The following CNTNAP5 variants were observed in gnomAD, a reference collection of about 807,000 sequenced individuals.
The protein encoded by CNTNAP5 is contactin-associated protein-like 5.
Under a neutral mutation model 150.2 loss-of-function variants are expected in CNTNAP5, and 72 were observed. The observed-to-expected ratio is 0.48, with a 90% CI of 0.40 to 0.58. CNTNAP5 has a LOEUF of 0.58. Ranked by LOEUF, CNTNAP5 falls within the 20% of genes least tolerant of loss-of-function variation. The pLI, the probability that CNTNAP5 is intolerant of heterozygous loss-of-function variation, is 0.00. For missense variants in CNTNAP5, 1,636 were observed against 1,626.2 expected, an observed-to-expected ratio of 1.01 and a Z score of -0.10; for synonymous variants, 672 against 619.8, an observed-to-expected ratio of 1.08 and a Z score of -1.25.
chr2:124,241,641 G>A (rs567463192), intron 2 of CNTNAP5, among the ~76,000 whole-genome samples: 15 of 152,182 alleles, frequency 9.9e-5, no homozygotes, highest in Admixed American at 3.3e-4. Flanking sequence ...AACATCTGCC[G>A]AATAAATGAA....
In CNTNAP5 at chr2:124,124,230, G is replaced by A. The variant is rs547345470; in HGVS notation, c.83-97475G>A. Among the ~76,000 whole-genome samples, 11 of 152,252 alleles carry A rather than the reference G, an allele frequency of 7.2e-5. No individual in the cohort carries two copies. In the South Asian group the frequency reaches 2.1e-3, roughly 29 times the overall value. ...AGAAGACCTTAAATGACCTGATGGA[G>A]CTGAAAATCATGGCACGAGAACTAT... On this transcript the variant is annotated intron_variant, in intron 1 of 23. Coordinates refer to ENST00000682447, the MANE Select transcript of CNTNAP5 (RefSeq NM_001367498.1).
chr2:124,751,618 G>A (rs1358616333), intron 14 of CNTNAP5, among the ~76,000 whole-genome samples: 1 of 152,142 alleles, frequency 6.6e-6, no homozygotes, highest in Non-Finnish European at 1.5e-5. Context: ...CTTTCCACAC[G>A]TTTCAAATTT....
intron 1 of CNTNAP5, among the ~76,000 whole-genome samples, chr2:124,211,665 C>A (rs1165924276): frequency 6.6e-6 from 1 of 152,144 alleles, no homozygotes; most frequent in African/African-American, 2.4e-5. Context: ...CACGTTTAAC[C>A]CATCCACTTC....
chr2:124,268,975 C>T (rs1184944006), intron 3 of CNTNAP5, among the ~76,000 whole-genome samples: 1 of 152,062 alleles, frequency 6.6e-6, no homozygotes, highest in African/African-American at 2.4e-5. Flanking sequence ...CCCCTAAGTG[C>T]TCGTGGCATG....
At chr2:124,871,043 T>C (rs1478990571) in intron 21 of CNTNAP5, among the ~76,000 whole-genome samples, 1 of 152,072 alleles carries the variant, frequency 6.6e-6, no homozygotes, top group Non-Finnish European at 1.5e-5. Flanking sequence ...TGATCCCTGA[T>C]TGAGTTTATT....
intron 13 of CNTNAP5, among the ~76,000 whole-genome samples, chr2:124,715,803 T>A (rs547940955): frequency 6.6e-6 from 1 of 152,250 alleles, no homozygotes; most frequent in African/African-American, 2.4e-5. Flanking sequence ...AGATTGGATA[T>A]GGGGGAACAG....
intron 10 of CNTNAP5, among the ~76,000 whole-genome samples, chr2:124,560,459 C>T (rs955085269): frequency 6.9e-6 from 1 of 145,602 alleles, no homozygotes; most frequent in African/African-American, 2.6e-5. Flanking sequence ...GTGGAGGTTG[C>T]AGTGGGCTGA....
intron 10 of CNTNAP5, among the ~76,000 whole-genome samples, chr2:124,547,267 C>T (rs1315716896): frequency 4.6e-5 from 7 of 151,882 alleles, no homozygotes; most frequent in African/African-American, 7.3e-5. Flanking sequence ...GAGTAAGCCC[C>T]GCAAGGAAAA....
chr2:124,419,153 A>AACAAAAAAAC lies in CNTNAP5; in HGVS notation c.529+1564_529+1565insCAAAAAAACA, dbSNP rs1553466543. Among the ~76,000 whole-genome samples the AACAAAAAAAC allele has an allele frequency of 2.5e-4, 19 of 76,422 alleles. 1 individual carries two copies. Among genetic ancestry groups the AACAAAAAAAC allele is most frequent in the Admixed American group, 9.5e-4 (6 of 6,342 alleles). 50.1% of individuals were successfully genotyped at this position (76,422 alleles called of 152,430 possible). On this transcript the variant is annotated intron_variant, in intron 4 of 23. Coordinates refer to ENST00000682447, the MANE Select transcript of CNTNAP5 (RefSeq NM_001367498.1). ...GAGACTCCTTCTCAAAAAAAAAAAAAAAAAAAAAAACAGTATGAAGCTTTT... is the reference window on the plus strand; with the variant it reads ...GAGACTCCTTCTCAAAAAAAAAAAAAACAAAAAAACAAAAAAAAAACAGTATGAAGCTTTT...
intron 1 of CNTNAP5, among the ~76,000 whole-genome samples, chr2:124,092,055 A>C (rs1472306048): frequency 6.6e-6 from 1 of 152,086 alleles, no homozygotes. Context: ...GGTGGCCCCT[A>C]TCTTTTTATC....
intron 13 of CNTNAP5, among the ~76,000 whole-genome samples, chr2:124,687,836 G>A (rs1372147733): frequency 6.6e-6 from 1 of 152,090 alleles, no homozygotes; most frequent in African/African-American, 2.4e-5. Flanking sequence ...GTGGAGGTAT[G>A]TTATGTGTTT....
intron 10 of CNTNAP5, among the ~76,000 whole-genome samples, chr2:124,549,255 G>T (rs891155110): frequency 5.3e-5 from 8 of 152,196 alleles, no homozygotes; most frequent in African/African-American, 1.9e-4. Context: ...GCCAAGCTTG[G>T]ACAGTGGTAG....
chr2:124,284,139 A>G (rs1195095540), intron 3 of CNTNAP5, among the ~76,000 whole-genome samples: 1 of 152,172 alleles, frequency 6.6e-6, no homozygotes, highest in African/African-American at 2.4e-5. Flanking sequence ...TGAGGCCTAC[A>G]AGAGTAAGCC....
chr2:124,277,270 G>A (rs930859671), intron 3 of CNTNAP5, among the ~76,000 whole-genome samples: 6 of 152,104 alleles, frequency 3.9e-5, no homozygotes, highest in Non-Finnish European at 8.8e-5. Flanking sequence ...TATCCTCCTG[G>A]TCTCATTTTC....
chr2:124,653,166 A>G (rs1296210129), intron 13 of CNTNAP5, among the ~76,000 whole-genome samples: 2 of 152,184 alleles, frequency 1.3e-5, no homozygotes, highest in African/African-American at 4.8e-5. Context: ...TAATTCATTC[A>G]TGCAGCTGAG....
At chr2:124,326,972 CTTT>C (rs1192969997) in intron 3 of CNTNAP5, among the ~76,000 whole-genome samples, 36 of 68,524 alleles carry the variant, frequency 5.3e-4, no homozygotes, top group Non-Finnish European at 8.5e-4. Context: ...TAGATCCTGA[CTTT>C]TTTTTTTTTT....
Position 124,205,421 on chromosome 2 carries a change from C to CT in CNTNAP5, c.83-16270dup, listed in dbSNP as rs1244599337. ...AATTAAAGTTGTTTTCTTTTCTTTT[C>CT]TTTTTTTTTTTTTTGGAAATGGAGT... On this transcript the variant is annotated intron_variant, in intron 1 of 23. Coordinates refer to ENST00000682447, the MANE Select transcript of CNTNAP5 (RefSeq NM_001367498.1). Among the ~76,000 whole-genome samples the CT allele has an allele frequency of 6.2e-3, 886 of 142,286 alleles. 3 individuals carry two copies. The highest frequency in any genetic ancestry group is 0.013 in the African/African-American group (519 of 38,846). 93.3% of individuals were successfully genotyped at this position (142,286 alleles called of 152,430 possible).
intron 1 of CNTNAP5, among the ~76,000 whole-genome samples, chr2:124,124,389 G>A (rs62163881): frequency 0.21 from 31,277 of 152,140 alleles, 3,541 homozygotes; most frequent in South Asian, 0.27. Flanking sequence ...AATGAACAAA[G>A]CCTCCAAGAA....
chr2:124,505,904 G>T (rs551614874), intron 8 of CNTNAP5, among the ~76,000 whole-genome samples: 4 of 152,292 alleles, frequency 2.6e-5, no homozygotes, highest in Admixed American at 2.6e-4. Flanking sequence ...GCTTTTCACC[G>T]CAGGTCAACA....
Sources: gnomAD v4.1 joint callset for allele counts (sites outside exome capture counted in the v4.1 genomes callset) on GRCh38, gnomAD v4.1.1 for gene constraint, MANE v1.5 for transcripts, NCBI Gene and HGNC (gene_info 2026-07-23, HGNC 2026-07-21) for gene names.